EYA3: variants seen among roughly 807,000 people sequenced by gnomAD.
The protein encoded by EYA3 is protein phosphatase EYA3.
Under a neutral mutation model 80.0 loss-of-function variants are expected in EYA3, and 39 were observed. The observed-to-expected ratio is 0.49, with a 90% CI of 0.38 to 0.64. The LOEUF (loss-of-function observed/expected upper bound fraction) is 0.64, where lower values mean the gene tolerates loss of function less well. EYA3 is among the 30% of genes least tolerant of loss of function. The pLI is 0.00. For synonymous variants in EYA3, 206 were observed against 232.8 expected (o/e 0.88, Z 1.05); for missense variants, 523 against 676.1 (o/e 0.77, Z 2.51).
At chr1:28,073,129 T>TATATATATATATA (rs1449412878) in intron 1 of EYA3, among the ~76,000 whole-genome samples, 4 of 27,204 alleles carry the variant, frequency 1.5e-4, no homozygotes, top group African/African-American at 7.8e-4. Context: ...ATATATATAT[T>TATATATATATATA]TTTTTTTTTT....
chr1:28,081,153 T>G (rs1157954586), intron 1 of EYA3, among the ~76,000 whole-genome samples: 2 of 152,176 alleles, frequency 1.3e-5, no homozygotes, highest in Non-Finnish European at 2.9e-5. Context: ...AATTTTTTTT[T>G]GCACAGAATG....
At chr1:27,999,264 C>T (rs950718431) in intron 12 of EYA3, among the ~76,000 whole-genome samples, 1 of 152,194 alleles carries the variant, frequency 6.6e-6, no homozygotes, top group South Asian at 2.1e-4. Flanking sequence ...GACTGCATAA[C>T]TGAGGCCCAG....
intron 17 of EYA3, among the ~76,000 whole-genome samples, chr1:27,977,552 T>G (rs1639001648): frequency 6.6e-6 from 1 of 152,106 alleles, no homozygotes; most frequent in Non-Finnish European, 1.5e-5. Flanking sequence ...TTTCCTATAT[T>G]AAGAAGGGGT....
intron 6 of EYA3, among the ~76,000 whole-genome samples, chr1:28,032,624 C>G (rs937811318): frequency 6.6e-6 from 1 of 152,166 alleles, no homozygotes; most frequent in African/African-American, 2.4e-5. Context: ...AACAAGTACC[C>G]TTTTCCTTAC....
intron 1 of EYA3, among the ~76,000 whole-genome samples, chr1:28,078,477 C>G (rs1196161640): frequency 6.6e-6 from 1 of 152,170 alleles, no homozygotes; most frequent in Admixed American, 6.5e-5. Flanking sequence ...TAATAGCAAA[C>G]ATTTATGGAA....
At chr1:27,986,675 G>A (rs547603242) in intron 16 of EYA3, among the ~76,000 whole-genome samples, 1 of 151,872 alleles carries the variant, frequency 6.6e-6, no homozygotes, top group African/African-American at 2.4e-5. Context: ...GGGATTACAG[G>A]CGTGAGCCAC....
Position 28,025,479 on chromosome 1 carries a change from G to C in EYA3, c.499+2310C>G, listed in dbSNP as rs539525094. Among the ~76,000 whole-genome samples the C allele has an allele frequency of 8.5e-5, 13 of 152,280 alleles. No individual in the cohort carries two copies. In the South Asian group the frequency reaches 2.7e-3, roughly 32 times the overall value. ...TGCCTTAATTATTTGCTAATACTGT[G>C]ACTATGGATAAGCTACTTAGCTTTT... is the stretch of plus-strand genomic sequence containing the variant. On this transcript the variant is annotated intron_variant, in intron 7 of 17. Transcript: ENST00000373871.
chr1:28,085,371 C>A (rs150398299), intron 1 of EYA3, among the ~76,000 whole-genome samples: 1 of 152,208 alleles, frequency 6.6e-6, no homozygotes, highest in Non-Finnish European at 1.5e-5. Context: ...ATGACTTCAG[C>A]CCAGGAGGTC....
chr1:28,022,969 A>G (rs1255220435), intron 7 of EYA3, among the ~76,000 whole-genome samples: 1 of 152,066 alleles, frequency 6.6e-6, no homozygotes. Flanking sequence ...ATTTTTTCCA[A>G]TAAAAGGAAC....
chr1:28,033,659 TA>T (rs201714751), intron 6 of EYA3, among the ~76,000 whole-genome samples: 25,685 of 143,006 alleles, frequency 0.18, 2,566 homozygotes, highest in Non-Finnish European at 0.21. Context: ...TTATTATTAT[TA>T]TTATTATTAT....
chr1:27,999,245 G>C (rs1185479138), intron 12 of EYA3, among the ~76,000 whole-genome samples: 1 of 152,190 alleles, frequency 6.6e-6, no homozygotes, highest in Non-Finnish European at 1.5e-5. Flanking sequence ...GTAGTTTCCT[G>C]TGTAGGATGA....
chr1:27,976,976 C>A, intron 17 of EYA3: 1 of 977,856 alleles, frequency 1.0e-6, no homozygotes, highest in Non-Finnish European at 1.2e-6. Flanking sequence ...CCTCAGCCTC[C>A]CCAAGTGCTA....
At chr1:27,990,528 G>C (rs150839486) in intron 14 of EYA3, 1 of 151,396 alleles carries the variant, frequency 6.6e-6, no homozygotes, top group African/African-American at 2.4e-5. Context: ...TGTGGTTCTT[G>C]GTGTCAAGAT....
At chr1:28,058,451 A>G (rs1045803053) in intron 1 of EYA3, among the ~76,000 whole-genome samples, 1 of 152,246 alleles carries the variant, frequency 6.6e-6, no homozygotes, top group Non-Finnish European at 1.5e-5. Flanking sequence ...CTAGCAAGTC[A>G]GCAAGTTATG....
Position 28,058,062 on chromosome 1 carries a change from G to A in EYA3, c.-36C>T. 6.5e-7 allele frequency: 1 copy of A among 1,532,526 alleles called. No homozygotes were observed. Among genetic ancestry groups the A allele is most frequent in the Non-Finnish European group, 8.8e-7 (1 of 1,131,628 alleles). 94.9% of individuals were successfully genotyped at this position (1,532,526 alleles called of 1,614,324 possible). A position where few individuals can be genotyped will look rare whatever the true frequency, so the allele number is the denominator to read the frequency against. On this transcript the variant is annotated 5_prime_UTR_variant, in exon 2 of 18. Transcript: ENST00000373871. ...ATTTCTTTATTATACTTATGTGACT[G>A]GATTGCAAGTCTCTCTCAGCAGTTT... is the stretch of plus-strand genomic sequence containing the variant.
At chr1:27,993,582 A>C in intron 13 of EYA3, 22 bp from the exon 14 acceptor site, 1 of 1,557,636 alleles carries the variant, frequency 6.4e-7, no homozygotes, top group Non-Finnish European at 8.6e-7. Flanking sequence ...GAAGATAATA[A>C]AAATTAAAAT....
intron 9 of EYA3, among the ~76,000 whole-genome samples, chr1:28,012,665 T>C (rs753933789): frequency 1.2e-4 from 19 of 152,206 alleles, no homozygotes; most frequent in Non-Finnish European, 2.8e-4. Flanking sequence ...GTAGGTTAAA[T>C]TGTATATATT....
intron 1 of EYA3, among the ~76,000 whole-genome samples, chr1:28,073,686 T>C (rs1645109293): frequency 6.6e-6 from 1 of 152,138 alleles, no homozygotes; most frequent in South Asian, 2.1e-4. Context: ...TCCACCCGCC[T>C]TGGCCTCCCA....
At chr1:28,064,882 T>C (rs1269084154) in intron 1 of EYA3, among the ~76,000 whole-genome samples, 1 of 152,214 alleles carries the variant, frequency 6.6e-6, no homozygotes, top group Non-Finnish European at 1.5e-5. Flanking sequence ...ACAAGGAAAC[T>C]GGGATTCAGA....
Sources: allele counts gnomAD v4.1 joint callset (sites outside exome capture counted in the v4.1 genomes callset), GRCh38; gene constraint gnomAD v4.1.1; transcripts MANE v1.5; gene names NCBI Gene and HGNC (gene_info 2026-07-23, HGNC 2026-07-21).